Variants in FUT8 observed in about 807,000 individuals in gnomAD.
FUT8 encodes the protein fucosyltransferase 8.
FUT8 carries 29 observed loss-of-function variants against 71.3 expected under a neutral mutation model. That is an observed-to-expected ratio of 0.41 (90% CI 0.30 to 0.55). FUT8 has a LOEUF of 0.55. Among genes scored for constraint, FUT8 ranks in the 20% least tolerant of loss-of-function variants. The pLI, the probability that FUT8 is intolerant of heterozygous loss-of-function variation, is 0.34. For synonymous variants in FUT8, 254 were observed against 239.3 expected, an observed-to-expected ratio of 1.06 and a Z score of -0.57; for missense variants, 544 against 702.1, an observed-to-expected ratio of 0.77 and a Z score of 2.55.
At chr14:65,553,814 A>G (rs1024965749) in intron 2 of FUT8, among the ~76,000 whole-genome samples, 24 of 149,636 alleles carry the variant, frequency 1.6e-4, no homozygotes, top group Admixed American at 1.3e-4. Flanking sequence ...TGTATGTAAT[A>G]TTTCTTTTTT....
chr14:65,425,300 G>A (rs910591831), intron 1 of FUT8, among the ~76,000 whole-genome samples: 1 of 151,742 alleles, frequency 6.6e-6, no homozygotes, highest in Admixed American at 6.6e-5. Context: ...CAAGTAGCTG[G>A]GATTAAAGGC....
At chr14:65,590,959 G>A (rs1055955602) in intron 3 of FUT8, among the ~76,000 whole-genome samples, 1 of 152,082 alleles carries the variant, frequency 6.6e-6, no homozygotes, top group African/African-American at 2.4e-5. Flanking sequence ...TTTTGACTTG[G>A]CAAAATGTTA....
intron 2 of FUT8, among the ~76,000 whole-genome samples, chr14:65,482,969 C>T (rs999581696): frequency 2.6e-5 from 4 of 152,242 alleles, no homozygotes; most frequent in African/African-American, 9.6e-5. Flanking sequence ...ATGTTTTCAC[C>T]ATTATCAGGC....
At chr14:65,573,914 T>TAAAACAACAC (rs1886622282) in intron 3 of FUT8, among the ~76,000 whole-genome samples, 1 of 152,174 alleles carries the variant, frequency 6.6e-6, no homozygotes, top group East Asian at 1.9e-4. Flanking sequence ...CCTAGTGCTG[T>TAAAACAACAC]AAAACAACAC....
chr14:65,582,687 G>A lies in FUT8; in HGVS notation c.203+20921G>A, dbSNP rs74708229. ...ACTCTCCACAGTTTGATAACTTTTAGTGCATTTGTCTTTTAGCTGAATCTT... is the reference window on the plus strand; with the variant it reads ...ACTCTCCACAGTTTGATAACTTTTAATGCATTTGTCTTTTAGCTGAATCTT... On this transcript the variant is annotated intron_variant, in intron 3 of 10. Transcript: ENST00000673929. Among the ~76,000 whole-genome samples, 673 of 152,262 alleles carry A rather than the reference G, an allele frequency of 4.4e-3. 3 individuals carry two copies. The highest frequency in any genetic ancestry group is 0.016 in the African/African-American group (646 of 41,538).
At chr14:65,592,339 TTTCCTTC>T in intron 3 of FUT8, among the ~76,000 whole-genome samples, 1 of 152,060 alleles carries the variant, frequency 6.6e-6, no homozygotes, top group Admixed American at 6.5e-5. Flanking sequence ...ATCTATTTTT[TTTCCTTC>T]ATTCAAGCAT....
chr14:65,373,778 G>T, the FUT8 span, among the ~76,000 whole-genome samples: 394 of 152,270 alleles, frequency 2.6e-3, no homozygotes, highest in African/African-American at 8.8e-3. Flanking sequence ...GGTGCTACAA[G>T]CCTAGCTGCT....
At position 65,638,713 on chromosome 14, in the gene FUT8, G is replaced by A. The variant is rs1449588898; in HGVS notation, c.597+9107G>A. Among the ~76,000 whole-genome samples, 5 of 152,166 alleles carry A rather than the reference G, an allele frequency of 3.3e-5. No homozygotes were observed. Among genetic ancestry groups the A allele is most frequent in the Non-Finnish European group, 5.9e-5 (4 of 68,008 alleles). Reference sequence around the variant, plus strand: ...CATTTTTCTTTGACAGGACTAATTCGTTAAGATAGATTTAAAGCCAGAATA... The same window carrying A: ...CATTTTTCTTTGACAGGACTAATTCATTAAGATAGATTTAAAGCCAGAATA... On this transcript the variant is annotated intron_variant, in intron 6 of 10. Transcript: ENST00000673929. This position sits in a 1 kb window ranked among gnomAD's most constrained non-coding sequence, Gnocchi z 4.5.
At chr14:65,563,672 G>A (rs1252630289) in intron 3 of FUT8, among the ~76,000 whole-genome samples, 2 of 151,900 alleles carry the variant, frequency 1.3e-5, no homozygotes, top group African/African-American at 2.4e-5. Context: ...TAACAATTTA[G>A]ACTTATAAAT....
At chr14:65,512,866 C>T (rs1882448990) in intron 2 of FUT8, among the ~76,000 whole-genome samples, 1 of 147,198 alleles carries the variant, frequency 6.8e-6, no homozygotes, top group Non-Finnish European at 1.5e-5. Flanking sequence ...CGACATCACG[C>T]CACTGCACTC....
At chr14:65,427,056 G>GT (rs771750243) in intron 1 of FUT8, among the ~76,000 whole-genome samples, 33 of 151,894 alleles carry the variant, frequency 2.2e-4, no homozygotes, top group Non-Finnish European at 2.8e-4. Flanking sequence ...TAGAAACAGG[G>GT]TTTCACCATG....
rs373043293 is a variant in FUT8, at chr14:65,461,165, CCTT to C, written c.-228+5454_-228+5456del. Among the ~76,000 whole-genome samples, 435 of 152,290 alleles carry C rather than the reference CCTT, an allele frequency of 2.9e-3. 2 individuals carry two copies. The highest frequency in any genetic ancestry group is 9.9e-3 in the African/African-American group (410 of 41,566). ...CGAAGGCTCTAGGTAAGAATCCTTT[CCTT>C]CTTCTTTTAGCTTATGGTGGATGCC... On this transcript the variant is annotated intron_variant, in intron 2 of 10. Transcript: ENST00000673929.
At chr14:65,592,769 T>G (rs1451368702) in intron 3 of FUT8, among the ~76,000 whole-genome samples, 2 of 152,282 alleles carry the variant, frequency 1.3e-5, no homozygotes, top group East Asian at 3.9e-4. Context: ...AACCTGAATG[T>G]GTTGTCAGCA....
chr14:65,637,255 A>G (rs1026259934), intron 6 of FUT8, among the ~76,000 whole-genome samples: 1 of 152,146 alleles, frequency 6.6e-6, no homozygotes, highest in African/African-American at 2.4e-5. Context: ...CTTTTGGGTG[A>G]TTTTATGTGG....
chr14:65,499,382 GAGTAC>G (rs754102691), intron 2 of FUT8, among the ~76,000 whole-genome samples: 26 of 152,128 alleles, frequency 1.7e-4, no homozygotes, highest in Non-Finnish European at 2.6e-4. Context: ...CCCTCAAACA[GAGTAC>G]AGCTCAAGTC....
At chr14:65,448,442 TAATAA>T (rs1436071295) in intron 1 of FUT8, among the ~76,000 whole-genome samples, 9 of 152,170 alleles carry the variant, frequency 5.9e-5, no homozygotes, top group Non-Finnish European at 1.2e-4. Context: ...TCATAGACAA[TAATAA>T]AATAAAATAC....
At chr14:65,469,760 C>T (rs2066108288) in intron 2 of FUT8, among the ~76,000 whole-genome samples, 1 of 152,180 alleles carries the variant, frequency 6.6e-6, no homozygotes, top group African/African-American at 2.4e-5. Flanking sequence ...GAGACGATAG[C>T]TCCTCTCTGC....
chr14:65,715,000 A>G (rs1463852989), intron 7 of FUT8, among the ~76,000 whole-genome samples: 1 of 152,194 alleles, frequency 6.6e-6, no homozygotes, highest in East Asian at 1.9e-4. Context: ...GTTTTTACAA[A>G]TGTAGTGTCA....
the FUT8 span, among the ~76,000 whole-genome samples, chr14:65,396,151 C>T: frequency 3.9e-5 from 6 of 152,340 alleles, no homozygotes; most frequent in Admixed American, 3.9e-4. The surrounding 1 kb of genome is among the most constrained non-coding windows in gnomAD (Gnocchi z 5.5). Context: ...CAACAAGTCT[C>T]TAGGAAGTTC....
Sources: gnomAD v4.1 joint callset for allele counts (sites outside exome capture counted in the v4.1 genomes callset) on GRCh38, gnomAD v4.1.1 for gene constraint, Gnocchi (gnomAD v3.1) non-coding constraint, MANE v1.5 for transcripts, NCBI Gene and HGNC (gene_info 2026-07-23, HGNC 2026-07-21) for gene names.